The following DAGLB variants were observed in gnomAD, a reference collection of about 807,000 sequenced individuals.
DAGLB encodes diacylglycerol lipase beta.
In DAGLB, 66 loss-of-function variants were observed where a neutral mutation model predicts 72.1. The observed-to-expected ratio is 0.92, with a 90% CI of 0.75 to 1.12. The LOEUF is 1.12. DAGLB is among the 50% of genes most tolerant of loss of function. The pLI is 0.00. For missense variants in DAGLB, 1,065 were observed against 884.9 expected (o/e 1.20, Z -2.58); for synonymous variants, 414 against 359.5 (o/e 1.15, Z -1.71).
At chr7:6,430,200 T>C (rs959861678) in intron 6 of DAGLB, among the ~76,000 whole-genome samples, 1 of 142,488 alleles carries the variant, frequency 7.0e-6, no homozygotes, top group Non-Finnish European at 1.5e-5. Flanking sequence ...GGTGAAACTC[T>C]GTCTCAAAAA....
chr7:6,436,035 T>G (rs1562487401), intron 3 of DAGLB, among the ~76,000 whole-genome samples: 1 of 151,918 alleles, frequency 6.6e-6, no homozygotes, highest in South Asian at 2.1e-4. Context: ...TCTTTGGTTT[T>G]CTTCCGAATT....
At position 6,435,020 on chromosome 7, in the gene DAGLB, A is replaced by C. The variant is rs767949506; in HGVS notation, c.420T>G (p.Ser140Arg). 6.2e-7 allele frequency: 1 copy of C among 1,612,828 alleles called. No individual in the cohort carries two copies. ...CCACTGTGGCAGCGATGATGATCCA[A>C]CTGCAAGACAGAGAGAGGAAAAGGC... is the stretch of plus-strand genomic sequence containing the variant. ...VNGIIATVVV[S>R]WIIIAATVVS... is the part of the protein sequence containing the mutation. Residue 140 changes from serine (S) to arginine (R), a missense_variant and splice_region_variant, in exon 4 of 15, where the codon AGT becomes AGG. Physicochemically the swap from Ser to Arg is moderately radical, Grantham distance 110. Coordinates refer to ENST00000297056, the MANE Select transcript of DAGLB (RefSeq NM_139179.4).
chr7:6,442,289 C>T (rs1784859848), intron 2 of DAGLB, among the ~76,000 whole-genome samples: 1 of 152,074 alleles, frequency 6.6e-6, no homozygotes, highest in Non-Finnish European at 1.5e-5. Context: ...ACTCCGACAA[C>T]CCACAGATGA....
intron 2 of DAGLB, 113 bp downstream of exon 2, chr7:6,445,840 T>C (rs1208577421): frequency 1.7e-6 from 2 of 1,185,744 alleles, no homozygotes; most frequent in African/African-American, 1.6e-5. Flanking sequence ...TCTGTGATTA[T>C]ATTAAAAACT....
chr7:6,444,919 A>G (rs1784946862), intron 2 of DAGLB, among the ~76,000 whole-genome samples: 1 of 152,198 alleles, frequency 6.6e-6, no homozygotes, highest in African/African-American at 2.4e-5. Context: ...AAAACAAAAC[A>G]AAACACAACA....
At chr7:6,414,305 C>A (rs369356125) in intron 11 of DAGLB, among the ~76,000 whole-genome samples, 1 of 149,064 alleles carries the variant, frequency 6.7e-6, no homozygotes, top group Non-Finnish European at 1.5e-5. Flanking sequence ...CCACCACACC[C>A]GGCCAATTTT....
chr7:6,423,704 C>T (rs905080792), intron 8 of DAGLB, among the ~76,000 whole-genome samples: 2 of 152,056 alleles, frequency 1.3e-5, no homozygotes, highest in Non-Finnish European at 2.9e-5. Flanking sequence ...TCTCCTGCCT[C>T]AGCCTCCTGA....
At chr7:6,436,721 C>T (rs553513980) in intron 2 of DAGLB, among the ~76,000 whole-genome samples, 188 bp from the exon 3 acceptor site, 15 of 152,180 alleles carry the variant, frequency 9.9e-5, no homozygotes, top group South Asian at 6.2e-4. Context: ...GGATGGGAAA[C>T]GTGACAAGAA....
At chr7:6,436,584 G>C (rs1397840451) in intron 2 of DAGLB, 51 bp from the exon 3 acceptor site, 1 of 1,608,180 alleles carries the variant, frequency 6.2e-7, no homozygotes, top group Admixed American at 1.7e-5. Flanking sequence ...CAGAGATGAA[G>C]AGCTTCCTTT....
At chr7:6,419,595 C>T (rs927880261) in intron 9 of DAGLB, among the ~76,000 whole-genome samples, 4 of 152,198 alleles carry the variant, frequency 2.6e-5, no homozygotes, top group East Asian at 1.9e-4. Context: ...AGGCCCTGAG[C>T]GGCAGCCTTC....
chr7:6,414,157 C>T (rs1161219205), intron 11 of DAGLB, among the ~76,000 whole-genome samples: 3 of 151,594 alleles, frequency 2.0e-5, no homozygotes, highest in African/African-American at 7.3e-5. Flanking sequence ...ACTACAGGCG[C>T]CCACCACCAC....
chr7:6,432,938 C>A lies in DAGLB; in HGVS notation c.700G>T (p.Asp234Tyr). The A allele has an allele frequency of 6.2e-7, 1 of 1,613,804 alleles. No individual in the cohort carries two copies. The highest frequency in any genetic ancestry group is 8.5e-7 in the Non-Finnish European group (1 of 1,179,926). ...AGCAGGGCGAGGCCCGCCGCAATGTCGCTGGGCACCAGATCTGTGTCCTGG... is the reference window on the plus strand; with the variant it reads ...AGCAGGGCGAGGCCCGCCGCAATGTAGCTGGGCACCAGATCTGTGTCCTGG... ...YFSDTDLVPS[D>Y]IAAGLALLHQ... The change falls in exon 5 of 15, where the codon GAC (aspartate) becomes TAC (tyrosine). Residue 234 changes from aspartate (D) to tyrosine (Y), a missense_variant. Physicochemically the swap from Asp to Tyr is radical, Grantham distance 160. Transcript: ENST00000297056.
At chr7:6,443,249 TAAAAAAA>T (rs60124255) in intron 2 of DAGLB, among the ~76,000 whole-genome samples, 7 of 78,160 alleles carry the variant, frequency 9.0e-5, no homozygotes, top group Admixed American at 2.6e-4. Context: ...TTGTCTCTAC[TAAAAAAA>T]AAAAAAAAAA....
intron 9 of DAGLB, among the ~76,000 whole-genome samples, chr7:6,420,833 C>T (rs922118238): frequency 6.6e-6 from 1 of 152,206 alleles, no homozygotes; most frequent in African/African-American, 2.4e-5. Flanking sequence ...ACCCATAGCA[C>T]AGTGAGCATG....
chr7:6,421,887 C>T (rs755822778), intron 8 of DAGLB, 83 bp from the exon 9 acceptor site: 4 of 1,456,604 alleles, frequency 2.7e-6, no homozygotes, highest in East Asian at 2.3e-5. Context: ...GCTCCTGACA[C>T]TTCTGTGGAG....
chr7:6,446,222 A>G, intron 1 of DAGLB, 118 bp from the exon 2 acceptor site: 1 of 1,034,644 alleles, frequency 9.7e-7, no homozygotes, highest in Non-Finnish European at 1.3e-6. Flanking sequence ...TAATCACAGC[A>G]CTTTGGGAGG....
chr7:6,434,245 A>T (rs1214960366), intron 4 of DAGLB, among the ~76,000 whole-genome samples: 1 of 152,190 alleles, frequency 6.6e-6, no homozygotes, highest in Admixed American at 6.6e-5. Context: ...GTGAAAAAAA[A>T]AAAACAAGCA....
chr7:6,426,781 G>C (rs935974209), intron 6 of DAGLB, among the ~76,000 whole-genome samples: 3 of 152,186 alleles, frequency 2.0e-5, no homozygotes, highest in Non-Finnish European at 4.4e-5. Flanking sequence ...AGAAATCATA[G>C]AAGTAACTTT....
intron 4 of DAGLB, among the ~76,000 whole-genome samples, chr7:6,433,679 T>G (rs905897634): frequency 5.3e-5 from 8 of 151,958 alleles, no homozygotes; most frequent in Admixed American, 2.0e-4. Context: ...GTCTCTACTA[T>G]AAATACAAAA....
Sources: gnomAD v4.1 joint callset for allele counts (sites outside exome capture counted in the v4.1 genomes callset) on GRCh38, gnomAD v4.1.1 for gene constraint, MANE v1.5 for transcripts, NCBI Gene and HGNC (gene_info 2026-07-23, HGNC 2026-07-21) for gene names.